GDPD1: variants seen among roughly 807,000 people sequenced by gnomAD.
The protein encoded by GDPD1 is lysophospholipase D GDPD1.
Under a neutral mutation model 45.1 loss-of-function variants are expected in GDPD1, and 28 were observed. The observed-to-expected ratio is 0.62, with a 90% CI of 0.46 to 0.85. The LOEUF (loss-of-function observed/expected upper bound fraction) is 0.85, where lower values mean the gene tolerates loss of function less well. Among genes scored for constraint, GDPD1 ranks in the 40% least tolerant of loss-of-function variants. The pLI is 0.00. For synonymous variants in GDPD1, 139 were observed against 131.4 expected, an observed-to-expected ratio of 1.06 and a Z score of -0.40; for missense variants, 256 against 364.8, an observed-to-expected ratio of 0.70 and a Z score of 2.43.
chr17:59,231,436 C>T (rs1182676835), intron 1 of GDPD1, among the ~76,000 whole-genome samples: 1 of 148,274 alleles, frequency 6.7e-6, no homozygotes, highest in African/African-American at 2.5e-5. Context: ...ACGCCATTCT[C>T]CTGCCTCAGC....
chr17:59,266,754 T>C (rs889137743), intron 6 of GDPD1, among the ~76,000 whole-genome samples: 1 of 152,202 alleles, frequency 6.6e-6, no homozygotes, highest in African/African-American at 2.4e-5. Context: ...AGTCTTTAGC[T>C]GTAAGTACTG....
At chr17:59,257,017 C>T in intron 4 of GDPD1, 105 bp from the exon 5 acceptor site, 1 of 523,264 alleles carries the variant, frequency 1.9e-6, no homozygotes. Flanking sequence ...TATACTTTTC[C>T]TTATTTTATA....
rs765294842 is a variant in GDPD1, at chr17:59,248,742, G to A, written c.324G>A (p.Glu108=). 1.3e-5 allele frequency: 21 copies of A among 1,598,530 alleles called. No homozygotes were observed. The highest frequency in any genetic ancestry group is 1.8e-5 in the Non-Finnish European group (21 of 1,171,680). ...TTTTCAATCATATCTTTTTAAAGGA[G>A]CTCCCACCTTACCTTGGCAAACTGG... ...NVNISDLKYC[E]LPPYLGKLDV... The change falls in exon 4 of 10, where the codon GAG becomes GAA. Residue 108 remains glutamate, a splice_region_variant and synonymous_variant. Coordinates refer to ENST00000284116, the MANE Select transcript of GDPD1 (RefSeq NM_182569.4).
chr17:59,257,247 A>T lies in GDPD1; in HGVS notation c.486+7A>T. On this transcript the variant is annotated splice_region_variant and intron_variant, in intron 5 of 9. Transcript: ENST00000284116. ...CAATGTGCTGATTAAGAAGGTACTC[A>T]AGGCATTGCCTCCTCTGGGTGTGTT... 7.1e-7 allele frequency: 1 copy of T among 1,412,440 alleles called. No individual in the cohort carries two copies. The highest frequency in any genetic ancestry group is 9.9e-7 in the Non-Finnish European group (1 of 1,010,990). 87.5% of individuals were successfully genotyped at this position (1,412,440 alleles called of 1,614,324 possible). A position where few individuals can be genotyped will look rare whatever the true frequency, so the allele number is the denominator to read the frequency against.
rs200100153 is a variant in GDPD1, at chr17:59,257,147, C to A, written c.393C>A (p.Asn131Lys). 3.1e-6 allele frequency: 5 copies of A among 1,598,880 alleles called. No individual in the cohort carries two copies. In the African/African-American group the frequency reaches 5.4e-5, roughly 17 times the overall value. Residue 131 changes from asparagine (N) to lysine (K), a missense_variant, in exon 5 of 10, where the codon AAC becomes AAA. Transcript: ENST00000284116. Reference sequence around the variant, plus strand: ...CATGCCAGTGTGAAGGAAAAGATAACCGAATTCCATTACTGAAGGAAGTTT... The same window carrying A: ...CATGCCAGTGTGAAGGAAAAGATAAACGAATTCCATTACTGAAGGAAGTTT... ...QRACQCEGKDNRIPLLKEVFE... is the reference protein window; with the variant it reads ...QRACQCEGKDKRIPLLKEVFE...
intron 2 of GDPD1, among the ~76,000 whole-genome samples, chr17:59,235,678 G>A (rs1009213760): frequency 3.9e-5 from 6 of 152,002 alleles, no homozygotes; most frequent in Non-Finnish European, 7.4e-5. Context: ...TTAGCTGGGC[G>A]TGGTGGCATG....
At chr17:59,268,358 C>T (rs939092683) in intron 7 of GDPD1, among the ~76,000 whole-genome samples, 2 of 151,556 alleles carry the variant, frequency 1.3e-5, no homozygotes, top group African/African-American at 2.4e-5. Flanking sequence ...GGGTGGATCA[C>T]GAGGTCAGGA....
At chr17:59,238,420 T>A (rs547918378) in intron 2 of GDPD1, among the ~76,000 whole-genome samples, 9 of 151,554 alleles carry the variant, frequency 5.9e-5, no homozygotes, top group South Asian at 4.2e-4. Flanking sequence ...TTTTTTATTT[T>A]TTTTTTTTTC....
chr17:59,261,729 C>T (rs1384265038), intron 6 of GDPD1, among the ~76,000 whole-genome samples: 1 of 151,494 alleles, frequency 6.6e-6, no homozygotes, highest in Admixed American at 6.6e-5. Flanking sequence ...GAATTCCTGG[C>T]CTCAAGTGAT....
intron 2 of GDPD1, among the ~76,000 whole-genome samples, chr17:59,241,058 C>A (rs2047171499): frequency 6.6e-6 from 1 of 152,140 alleles, no homozygotes; most frequent in South Asian, 2.1e-4. Flanking sequence ...ATGTGCTGTA[C>A]AGATTTGTAA....
chr17:59,245,383 G>C, intron 2 of GDPD1, 31 bp from the exon 3 acceptor site: 1 of 1,590,504 alleles, frequency 6.3e-7, no homozygotes, highest in Non-Finnish European at 8.6e-7. Context: ...ATACTTAAGT[G>C]TCAGATGTCA....
At chr17:59,265,345 G>A (rs551427684) in intron 6 of GDPD1, among the ~76,000 whole-genome samples, 23 of 151,758 alleles carry the variant, frequency 1.5e-4, no homozygotes, top group African/African-American at 5.6e-4. Flanking sequence ...GACCAGCCTA[G>A]GCAATATAAT....
intron 2 of GDPD1, 113 bp downstream of exon 2, chr17:59,234,647 G>A (rs927984604): frequency 2.2e-5 from 15 of 695,476 alleles, no homozygotes; most frequent in Non-Finnish European, 3.5e-5. Context: ...ATCAGTTTGT[G>A]ATAGTTGTTT....
intron 1 of GDPD1, among the ~76,000 whole-genome samples, chr17:59,228,713 T>C (rs559587936): frequency 6.7e-6 from 1 of 150,292 alleles, no homozygotes; most frequent in East Asian, 1.9e-4. Context: ...TAAGACCCTG[T>C]CTCTAAAAAA....
intron 1 of GDPD1, among the ~76,000 whole-genome samples, chr17:59,221,419 CTTTTTTTTTTT>C (rs36143328): frequency 7.9e-6 from 1 of 126,892 alleles, no homozygotes; most frequent in South Asian, 2.7e-4. Flanking sequence ...AACCTTGCAT[CTTTTTTTTTTT>C]TTTTTTGAAC....
At chr17:59,271,627 T>C (rs1161590450) in intron 8 of GDPD1, among the ~76,000 whole-genome samples, 1 of 151,228 alleles carries the variant, frequency 6.6e-6, no homozygotes, top group Non-Finnish European at 1.5e-5. Context: ...TATTTTATTT[T>C]ATTTTATTTT....
Position 59,274,048 on chromosome 17 carries a change from C to A in GDPD1, c.*275C>A. 1.4e-6 allele frequency: 1 copy of A among 731,624 alleles called. No homozygotes were observed. Among genetic ancestry groups the A allele is most frequent in the Non-Finnish European group, 1.7e-6 (1 of 598,834 alleles). 45.3% of individuals were successfully genotyped at this position (731,624 alleles called of 1,614,324 possible). ...TTAATGTGCATTTTTGTTTCTAGAT[C>A]TTATACAGAAATCTTGATTAATAAC... is the stretch of plus-strand genomic sequence containing the variant. On this transcript the variant is annotated 3_prime_UTR_variant, in exon 10 of 10. Transcript: ENST00000284116.
intron 7 of GDPD1, among the ~76,000 whole-genome samples, 153 bp downstream of exon 7, chr17:59,267,327 T>G (rs1339610661): frequency 6.6e-6 from 1 of 152,192 alleles, no homozygotes; most frequent in Non-Finnish European, 1.5e-5. Context: ...TTTTATATAA[T>G]TAAGACACAT....
At chr17:59,241,833 CAGA>C (rs2047178047) in intron 2 of GDPD1, among the ~76,000 whole-genome samples, 1 of 151,966 alleles carries the variant, frequency 6.6e-6, no homozygotes, top group African/African-American at 2.4e-5. Context: ...GAGGCTGAGA[CAGA>C]AGAATCGCTT....
Sources: gnomAD v4.1 joint callset for allele counts (sites outside exome capture counted in the v4.1 genomes callset) on GRCh38, gnomAD v4.1.1 for gene constraint, MANE v1.5 for transcripts, NCBI Gene and HGNC (gene_info 2026-07-23, HGNC 2026-07-21) for gene names.